Variants in FSD2 observed in about 807,000 individuals in gnomAD.
The protein encoded by FSD2 is fibronectin type III and SPRY domain containing 2, also known as fibronectin type III and SPRY domain-containing protein 2.
Under a neutral mutation model 80.4 loss-of-function variants are expected in FSD2, and 71 were observed. The ratio of observed to expected loss-of-function variants is 0.88; its 90% CI spans 0.73 to 1.08. The LOEUF is 1.08. Among genes scored for constraint, FSD2 ranks in the 50% least tolerant of loss-of-function variants. The pLI is 0.00. For synonymous variants in FSD2, 361 were observed against 329.5 expected (o/e 1.10, Z -1.03); for missense variants, 923 against 913.8 (o/e 1.01, Z -0.13).
At chr15:82,778,275 T>C (rs895625402) in intron 6 of FSD2, among the ~76,000 whole-genome samples, 1 of 151,256 alleles carries the variant, frequency 6.6e-6, no homozygotes, top group Admixed American at 6.6e-5. Flanking sequence ...AACCAAGACA[T>C]GGAAACAACC....
chr15:82,779,036 CT>C, intron 5 of FSD2, 149 bp from the exon 6 acceptor site: 1 of 938,214 alleles, frequency 1.1e-6, no homozygotes, highest in Non-Finnish European at 1.6e-6. Context: ...CATCTACCAT[CT>C]TTTTTGGAGA....
rs1214830053 is a variant in FSD2 at position 82,765,938 on chromosome 15, G to T, written c.1647C>A (p.Gly549=). 1 of 1,609,764 alleles carries T rather than the reference G, an allele frequency of 6.2e-7. No homozygotes were observed. Among genetic ancestry groups the T allele is most frequent in the Admixed American group, 1.7e-5 (1 of 59,512 alleles). The part of the protein sequence containing the change: ...IIYVRALNMG[G]PSVRSEPATV... The stretch of plus-strand genomic sequence containing the variant: ...TAGCTGGCTCGCTCCTCACGCTGGG[G>T]CCCCCCATATTGAGGGCTCGCACAT... The change falls in exon 10 of 13, where the codon GGC becomes GGA. Residue 549 remains glycine (G), a synonymous_variant. Coordinates refer to ENST00000334574, the MANE Select transcript of FSD2 (RefSeq NM_001007122.4).
chr15:82,798,091 C>A (rs2050322133), intron 1 of FSD2, among the ~76,000 whole-genome samples: 1 of 152,068 alleles, frequency 6.6e-6, no homozygotes, highest in African/African-American at 2.4e-5. Context: ...GTTATCCAAG[C>A]ACTTTGGGAG....
At position 82,762,230 on chromosome 15, in the gene FSD2, G is replaced by C. The variant is rs757741235; in HGVS notation, c.1869C>G (p.Tyr623Ter). The change falls in exon 12 of 13, where the codon TAC becomes TAG. Residue 623 changes from tyrosine (Y) to a stop codon, truncating the protein, a stop_gained. Transcript: ENST00000334574. LOFTEE classifies it high-confidence loss of function. ...GNLIPVRGHH[Y>*]WEVEVDEHLD... Reference sequence around the variant, plus strand: ...AATGCTCATCCACCTCCACCTCCCAGTAATGGTGCCCTCGGACTGGAATTA... The same window carrying C: ...AATGCTCATCCACCTCCACCTCCCACTAATGGTGCCCTCGGACTGGAATTA... 3 of 1,613,832 alleles carry C rather than the reference G, an allele frequency of 1.9e-6. No homozygotes were observed. In the East Asian group the frequency reaches 6.7e-5, roughly 36 times the overall value.
intron 6 of FSD2, among the ~76,000 whole-genome samples, chr15:82,773,483 A>T (rs894104111): frequency 7.9e-5 from 12 of 152,208 alleles, no homozygotes; most frequent in African/African-American, 2.9e-4. Flanking sequence ...GAAGCACTAG[A>T]TGCAGGCAGG....
At chr15:82,773,211 T>G (rs1460179189) in intron 6 of FSD2, among the ~76,000 whole-genome samples, 1 of 152,238 alleles carries the variant, frequency 6.6e-6, no homozygotes, top group Non-Finnish European at 1.5e-5. Context: ...ATCCTTAGTT[T>G]CAAAGGTTGA....
At position 82,768,994 on chromosome 15, in the gene FSD2, C is replaced by T. The variant is rs1173330381; in HGVS notation, c.1439G>A (p.Arg480Lys). ...SPPIIKTKEI[R>K]SCEEAVLICW... Reference sequence around the variant, plus strand: ...AATCAGCACAGCCTCTTCACAGCTCCTTATCTCTTTGGTTTTAATAATGGG... The same window carrying T: ...AATCAGCACAGCCTCTTCACAGCTCTTTATCTCTTTGGTTTTAATAATGGG... Residue 480 changes from arginine to lysine, a missense_variant, in exon 9 of 13, where the codon AGG (arginine) becomes AAG (lysine). Physicochemically the swap from Arg to Lys is conservative, Grantham distance 26. Transcript: ENST00000334574. 3 of 1,600,004 alleles carry T rather than the reference C, an allele frequency of 1.9e-6. No homozygotes were observed. The highest frequency in any genetic ancestry group is 2.6e-6 in the Non-Finnish European group (3 of 1,174,208).
Position 82,772,234 on chromosome 15 carries a change from A to G in FSD2, c.1112-6T>C. The G allele has an allele frequency of 6.2e-7, 1 of 1,603,204 alleles. No individual in the cohort carries two copies. On this transcript the variant is annotated splice_polypyrimidine_tract_variant and splice_region_variant and intron_variant, in intron 6 of 12. Transcript: ENST00000334574. ...TATGACTGGAGCAGAAGGAGCTAGGAAAAGAAAAGAAAAAAGAAGAGGAAC... is the reference window on the plus strand; with the variant it reads ...TATGACTGGAGCAGAAGGAGCTAGGGAAAGAAAAGAAAAAAGAAGAGGAAC...
intron 12 of FSD2, among the ~76,000 whole-genome samples, chr15:82,759,974 A>G (rs899645251): frequency 7.2e-5 from 11 of 151,980 alleles, no homozygotes; most frequent in African/African-American, 2.2e-4. Context: ...TTGTATTTTT[A>G]GTAGAGACAG....
intron 1 of FSD2, among the ~76,000 whole-genome samples, chr15:82,792,787 C>T (rs1444100003): frequency 5.3e-5 from 8 of 152,030 alleles, no homozygotes; most frequent in South Asian, 4.1e-4. Flanking sequence ...CATGAGCCAC[C>T]GTGTCTGGCC....
chr15:82,792,074 T>A (rs2050165482), intron 1 of FSD2, among the ~76,000 whole-genome samples: 1 of 152,256 alleles, frequency 6.6e-6, no homozygotes, highest in Admixed American at 6.5e-5. Flanking sequence ...TTGTACCAGT[T>A]TTTGTTTGAA....
intron 11 of FSD2, among the ~76,000 whole-genome samples, chr15:82,764,638 C>T (rs186343753): frequency 1.1e-4 from 17 of 151,544 alleles, no homozygotes; most frequent in African/African-American, 2.9e-4. Flanking sequence ...GCAACAGGCC[C>T]GGCTAATTTT....
At chr15:82,802,249 C>T (rs185248218) in intron 1 of FSD2, among the ~76,000 whole-genome samples, 3 of 152,196 alleles carry the variant, frequency 2.0e-5, no homozygotes, top group African/African-American at 7.2e-5. Flanking sequence ...AAGTCTCCCC[C>T]TCCATACATA....
At chr15:82,795,620 A>C (rs4617830) in intron 1 of FSD2, among the ~76,000 whole-genome samples, 26,391 of 152,110 alleles carry the variant, frequency 0.17, 2,609 homozygotes, top group Middle Eastern at 0.22. Flanking sequence ...ATTTGAGCTC[A>C]GGAGTTTGAG....
intron 8 of FSD2, 101 bp downstream of exon 8, chr15:82,769,649 C>A: frequency 7.4e-7 from 1 of 1,353,864 alleles, no homozygotes; most frequent in Non-Finnish European, 1.0e-6. Flanking sequence ...GCTCTTCCTA[C>A]CCTTCTGAAT....
rs1298027081 is a variant in FSD2 at position 82,772,116 on chromosome 15, G to A, written c.1224C>T (p.Ser408=). 1 of 1,606,124 alleles carries A rather than the reference G, an allele frequency of 6.2e-7. No individual in the cohort carries two copies. The highest frequency in any genetic ancestry group is 2.2e-5 in the East Asian group (1 of 44,774). The stretch of plus-strand genomic sequence containing the variant: ...GTGAGCTGTCCTGCACTGGCCGGTA[G>A]GACAGCTGATAGCTCTCCACAGTGT... The part of the protein sequence containing the change: ...SDDTVESYQL[S]YRPVQDSSPG... The change falls in exon 7 of 13, where the codon TCC becomes TCT. Residue 408 remains serine (S), a synonymous_variant. Coordinates refer to ENST00000334574, the MANE Select transcript of FSD2 (RefSeq NM_001007122.4).
chr15:82,798,394 G>A (rs920231507), intron 1 of FSD2, among the ~76,000 whole-genome samples: 2 of 152,004 alleles, frequency 1.3e-5, no homozygotes, highest in African/African-American at 4.8e-5. Context: ...TGTTTTAAGT[G>A]CACAATTCAA....
rs1229689745 is a variant in FSD2 at position 82,758,345 on chromosome 15, A to G, written c.*1003T>C. 6.6e-6 allele frequency: 1 copy of G among 152,296 alleles called. No homozygotes were observed. 9.4% of individuals were successfully genotyped at this position (152,296 alleles called of 1,614,324 possible). A position where few individuals can be genotyped will look rare whatever the true frequency, so the allele number is the denominator to read the frequency against. The stretch of plus-strand genomic sequence containing the variant: ...AGGAATGTAGCTGATGGAGTTGGGC[A>G]TTGAGCTCACAGAATGGCCTGGGGG... On this transcript the variant is annotated 3_prime_UTR_variant, in exon 13 of 13. Coordinates refer to ENST00000334574, the MANE Select transcript of FSD2 (RefSeq NM_001007122.4).
rs2049228162 is a variant in FSD2, at chr15:82,759,088, A to G, written c.*260T>C. ...CACGAATATAGTTTGACAGCTTCAA[A>G]GACTTTTGAGTTCGTTTAGTCTGAG... On this transcript the variant is annotated 3_prime_UTR_variant, in exon 13 of 13. Coordinates refer to ENST00000334574, the MANE Select transcript of FSD2 (RefSeq NM_001007122.4). 1 of 433,642 alleles carries G rather than the reference A, an allele frequency of 2.3e-6. No homozygotes were observed. Among genetic ancestry groups the G allele is most frequent in the Non-Finnish European group, 4.1e-6 (1 of 241,080 alleles). The allele number at this position is 433,642 out of a possible 1,614,324, so 26.9% of individuals were successfully genotyped here. A position where few individuals can be genotyped will look rare whatever the true frequency, so the allele number is the denominator to read the frequency against.
Sources: gnomAD v4.1 joint callset for allele counts (sites outside exome capture counted in the v4.1 genomes callset) on GRCh38, gnomAD v4.1.1 for gene constraint, MANE v1.5 for transcripts, NCBI Gene and HGNC (gene_info 2026-07-23, HGNC 2026-07-21) for gene names.